SH3PXD2B: variants seen among roughly 807,000 people sequenced by gnomAD.
SH3PXD2B encodes SH3 and PX domain-containing protein 2B.
In SH3PXD2B, 37 loss-of-function variants were observed where a neutral mutation model predicts 73.1. The ratio of observed to expected loss-of-function variants is 0.51; its 90% CI spans 0.39 to 0.67. The LOEUF is 0.67. Among genes scored for constraint, SH3PXD2B ranks in the 30% least tolerant of loss-of-function variants. The pLI is 0.00. For missense variants in SH3PXD2B, 1,053 were observed against 1,197.8 expected, an observed-to-expected ratio of 0.88 and a Z score of 1.78; for synonymous variants, 457 against 480.5, an observed-to-expected ratio of 0.95 and a Z score of 0.64.
At chr5:172,399,167 G>A (rs1758374148) in intron 3 of SH3PXD2B, among the ~76,000 whole-genome samples, 1 of 152,094 alleles carries the variant, frequency 6.6e-6, no homozygotes, top group Non-Finnish European at 1.5e-5. Flanking sequence ...TGATTTTATT[G>A]GCATTATTGA....
At chr5:172,418,060 G>A (rs1416444024) in intron 2 of SH3PXD2B, among the ~76,000 whole-genome samples, 1 of 152,194 alleles carries the variant, frequency 6.6e-6, no homozygotes, top group Non-Finnish European at 1.5e-5. Context: ...GCAGCCACTA[G>A]AGAGAGGAGC....
chr5:172,388,150 T>C (rs755379367), intron 4 of SH3PXD2B, among the ~76,000 whole-genome samples: 1 of 152,246 alleles, frequency 6.6e-6, no homozygotes, highest in Admixed American at 6.5e-5. Flanking sequence ...TACTGCACTA[T>C]GTTAACTACT....
intron 10 of SH3PXD2B, among the ~76,000 whole-genome samples, chr5:172,348,704 TATC>T (rs1757081582): frequency 6.2e-5 from 2 of 32,250 alleles, no homozygotes; most frequent in East Asian, 2.0e-3. Flanking sequence ...TCTATCTATC[TATC>T]TATTTATTTA....
At chr5:172,401,651 G>A (rs142979173) in intron 3 of SH3PXD2B, among the ~76,000 whole-genome samples, 4,705 of 152,268 alleles carry the variant, frequency 0.031, 189 homozygotes, top group African/African-American at 0.088. Context: ...AGCTGAAGCC[G>A]TGGCAGAAGA....
intron 1 of SH3PXD2B, among the ~76,000 whole-genome samples, chr5:172,444,566 G>C (rs750895641): frequency 4.6e-5 from 7 of 152,134 alleles, no homozygotes; most frequent in Non-Finnish European, 7.4e-5. Context: ...AATTACTATT[G>C]AATCTTGAGA....
Position 172,338,659 on chromosome 5 carries a change from C to T in SH3PXD2B, c.2446G>A (p.Asp816Asn). 6.2e-7 allele frequency: 1 copy of T among 1,614,218 alleles called. No homozygotes were observed. Among genetic ancestry groups the T allele is most frequent in the Non-Finnish European group, 8.5e-7 (1 of 1,180,046 alleles). ...PFLSNSLGGQDDTRGKGSLGP... is the reference protein window; with the variant it reads ...PFLSNSLGGQNDTRGKGSLGP... The stretch of plus-strand genomic sequence containing the variant: ...AGGCTGCCTTTGCCTCGCGTGTCAT[C>T]CTGGCCCCCCAAAGAGTTGGAGAGA... Residue 816 changes from aspartate to asparagine, a missense_variant, in exon 13 of 13, where the codon GAT (aspartate) becomes AAT (asparagine). Transcript: ENST00000311601. This position sits in a 1 kb window ranked among gnomAD's most constrained non-coding sequence, Gnocchi z 5.1.
chr5:172,364,997 T>C (rs748994406), intron 6 of SH3PXD2B, among the ~76,000 whole-genome samples: 1 of 152,150 alleles, frequency 6.6e-6, no homozygotes, highest in East Asian at 1.9e-4. Flanking sequence ...AAAAGCAGAA[T>C]AGGGCATTGT....
downstream of SH3PXD2B, among the ~76,000 whole-genome samples, chr5:172,329,059 G>GTGTATA (rs1554133352): frequency 7.2e-5 from 7 of 96,884 alleles, no homozygotes; most frequent in African/African-American, 3.0e-4. Context: ...GTGTGTGTGT[G>GTGTATA]TATATATATA....
chr5:172,358,692 G>A (rs1757333079), intron 8 of SH3PXD2B, 81 bp downstream of exon 8: 1 of 1,279,238 alleles, frequency 7.8e-7, no homozygotes, highest in East Asian at 2.5e-5. Context: ...CAAAAGAAGA[G>A]ATTGGATGAA....
At chr5:172,431,966 C>G (rs1437824483) in intron 1 of SH3PXD2B, among the ~76,000 whole-genome samples, 1 of 152,122 alleles carries the variant, frequency 6.6e-6, no homozygotes, top group Non-Finnish European at 1.5e-5. Context: ...CACCTGAGGT[C>G]AGGGGTTCGA....
intron 1 of SH3PXD2B, among the ~76,000 whole-genome samples, chr5:172,450,514 C>T (rs907452966): frequency 6.6e-6 from 1 of 151,936 alleles, no homozygotes; most frequent in African/African-American, 2.4e-5. Context: ...TGAAAATATA[C>T]CCATTTGAAA....
chr5:172,396,119 G>A (rs148213779), intron 3 of SH3PXD2B, among the ~76,000 whole-genome samples: 1,611 of 150,440 alleles, frequency 0.011, 22 homozygotes, highest in African/African-American at 0.037. Flanking sequence ...TTGGGAGGCC[G>A]AGGTGGGTGG....
downstream of SH3PXD2B, among the ~76,000 whole-genome samples, chr5:172,333,270 C>A (rs1756600941): frequency 6.6e-6 from 1 of 152,068 alleles, no homozygotes; most frequent in Non-Finnish European, 1.5e-5. Flanking sequence ...GGAGGCAATG[C>A]CGGCAAGAGG....
chr5:172,341,122 C>T (rs1756840060), intron 12 of SH3PXD2B, among the ~76,000 whole-genome samples: 1 of 152,154 alleles, frequency 6.6e-6, no homozygotes, highest in Admixed American at 6.6e-5. Context: ...TGAATTCACA[C>T]AGGTGAAAGG....
intron 5 of SH3PXD2B, among the ~76,000 whole-genome samples, chr5:172,374,043 C>G (rs1757769617): frequency 6.6e-6 from 1 of 152,178 alleles, no homozygotes; most frequent in South Asian, 2.1e-4. Flanking sequence ...GGACCAGTGT[C>G]TCCATTTATT....
chr5:172,436,366 A>G (rs1014906377), intron 1 of SH3PXD2B, among the ~76,000 whole-genome samples: 2 of 152,244 alleles, frequency 1.3e-5, no homozygotes, highest in African/African-American at 4.8e-5. Context: ...CAGCCAAATC[A>G]TCACCAGAAC....
intron 1 of SH3PXD2B, among the ~76,000 whole-genome samples, chr5:172,440,884 G>A (rs1759538616): frequency 6.6e-6 from 1 of 152,120 alleles, no homozygotes; most frequent in Admixed American, 6.5e-5. Flanking sequence ...TTTCCCATCT[G>A]TAAAAGGGGG....
chr5:172,407,507 G>A (rs1472721188), intron 2 of SH3PXD2B, among the ~76,000 whole-genome samples: 1 of 152,224 alleles, frequency 6.6e-6, no homozygotes, highest in Non-Finnish European at 1.5e-5. Flanking sequence ...GTTGTATAGT[G>A]AGGTTATCTG....
intron 8 of SH3PXD2B, among the ~76,000 whole-genome samples, chr5:172,354,861 A>G (rs1272625837): frequency 6.6e-6 from 1 of 152,110 alleles, no homozygotes; most frequent in Non-Finnish European, 1.5e-5. Flanking sequence ...GACCATCCTT[A>G]TGGCCTCACC....
Sources: gnomAD v4.1 joint callset for allele counts (sites outside exome capture counted in the v4.1 genomes callset) on GRCh38, gnomAD v4.1.1 for gene constraint, Gnocchi (gnomAD v3.1) non-coding constraint, MANE v1.5 for transcripts, NCBI Gene and HGNC (gene_info 2026-07-23, HGNC 2026-07-21) for gene names.